UNC13B: variants seen among roughly 807,000 people sequenced by gnomAD.
The protein encoded by UNC13B is unc-13 homolog B.
Under a neutral mutation model 211.0 loss-of-function variants are expected in UNC13B, and 144 were observed. The observed-to-expected ratio is 0.68, with a 90% confidence interval of 0.60 to 0.78. The LOEUF is 0.78. Ranked by LOEUF, UNC13B falls within the 30% of genes least tolerant of loss-of-function variation. The pLI is 0.00. For synonymous variants in UNC13B, 709 were observed against 725.8 expected, an observed-to-expected ratio of 0.98 and a Z score of 0.37; for missense variants, 1,777 against 2,002.0, an observed-to-expected ratio of 0.89 and a Z score of 2.14.
At chr9:35,237,643 T>C (rs1825585874) in intron 4 of UNC13B, 60 bp from the exon 5 acceptor site, 3 of 1,591,634 alleles carry the variant, frequency 1.9e-6, no homozygotes, top group Non-Finnish European at 2.6e-6. Context: ...AAAACCTGAC[T>C]CTTGAACTAA....
intron 6 of UNC13B, among the ~76,000 whole-genome samples, chr9:35,247,132 A>T (rs888457825): frequency 2.0e-5 from 3 of 152,078 alleles, no homozygotes; most frequent in African/African-American, 7.2e-5. Flanking sequence ...ATGGGAGTTC[A>T]CTCATGATTT....
At chr9:35,204,153 T>C (rs1823501660) in intron 1 of UNC13B, among the ~76,000 whole-genome samples, 1 of 152,220 alleles carries the variant, frequency 6.6e-6, no homozygotes, top group African/African-American at 2.4e-5. Flanking sequence ...CTGTAAGCCT[T>C]GGTGGTTTAC....
intron 12 of UNC13B, among the ~76,000 whole-genome samples, chr9:35,367,594 T>A (rs772689738): frequency 6.6e-6 from 1 of 152,118 alleles, no homozygotes; most frequent in Non-Finnish European, 1.5e-5. Flanking sequence ...ATACTAGATC[T>A]TATTCATTCT....
intron 6 of UNC13B, among the ~76,000 whole-genome samples, chr9:35,255,849 A>G (rs1351808995): frequency 6.6e-6 from 1 of 152,208 alleles, no homozygotes; most frequent in Non-Finnish European, 1.5e-5. Context: ...TTAGTCCTGC[A>G]AAGGCAGACT....
chr9:35,300,962 A>G lies in UNC13B; in HGVS notation c.1558A>G (p.Lys520Glu), dbSNP rs1829650402. Residue 520 changes from lysine to glutamate, a missense_variant, in exon 9 of 40, where the codon AAG (lysine) becomes GAG (glutamate). Coordinates refer to ENST00000635942, the MANE Select transcript of UNC13B (RefSeq NM_001371189.2). Reference protein sequence around the residue: ...IPPLTIVKNDKDTAISFPELT... With the variant: ...IPPLTIVKNDEDTAISFPELT... ...ACCTTTAACTATTGTCAAGAATGAC[A>G]AGGACACGGCCATCTCTTTCCCTGA... The G allele has an allele frequency of 2.5e-6, 1 of 398,872 alleles. No homozygotes were observed. The highest frequency in any genetic ancestry group is 2.1e-5 in the African/African-American group (1 of 48,616). The allele number at this position is 398,872 out of a possible 1,614,324, so 24.7% of individuals were successfully genotyped here.
At chr9:35,183,963 G>C (rs1481944067) in intron 1 of UNC13B, among the ~76,000 whole-genome samples, 1 of 150,186 alleles carries the variant, frequency 6.7e-6, no homozygotes, top group Non-Finnish European at 1.5e-5. Context: ...ACCCAGACGG[G>C]GCGGCGGGGC....
chr9:35,272,082 T>C (rs937887470), intron 7 of UNC13B, among the ~76,000 whole-genome samples: 5 of 152,092 alleles, frequency 3.3e-5, no homozygotes, highest in African/African-American at 1.2e-4. Context: ...ATTTTTAAGA[T>C]AGAGGAAATA....
chr9:35,227,612 A>G (rs1824923116), intron 1 of UNC13B, among the ~76,000 whole-genome samples: 1 of 152,188 alleles, frequency 6.6e-6, no homozygotes, highest in Admixed American at 6.5e-5. Context: ...TTTAAAGGTT[A>G]TTATCTAGAT....
intron 1 of UNC13B, among the ~76,000 whole-genome samples, chr9:35,203,700 G>C (rs886799164): frequency 6.6e-6 from 1 of 152,218 alleles, no homozygotes; most frequent in Admixed American, 6.5e-5. Flanking sequence ...ATGTGGCCTG[G>C]CTGCTTCTAA....
At chr9:35,174,999 T>G (rs745964202) in intron 1 of UNC13B, among the ~76,000 whole-genome samples, 3 of 151,884 alleles carry the variant, frequency 2.0e-5, no homozygotes, top group Non-Finnish European at 2.9e-5. Flanking sequence ...GGTTTTGCCA[T>G]GTGGCTGAGG....
chr9:35,228,515 T>A (rs1048340245), intron 2 of UNC13B, among the ~76,000 whole-genome samples: 1 of 150,000 alleles, frequency 6.7e-6, no homozygotes, highest in Non-Finnish European at 1.5e-5. Flanking sequence ...GGCCCCAGTG[T>A]GTAGTGGATA....
intron 1 of UNC13B, among the ~76,000 whole-genome samples, chr9:35,220,306 C>T (rs10118007): frequency 0.98 from 148,939 of 151,522 alleles, 73,248 homozygotes; most frequent in East Asian, 1. Context: ...ATTATATACT[C>T]TTAGTTATTT....
chr9:35,248,312 G>A (rs1204476904), intron 6 of UNC13B, among the ~76,000 whole-genome samples: 1 of 152,086 alleles, frequency 6.6e-6, no homozygotes, highest in Non-Finnish European at 1.5e-5. Flanking sequence ...CCAGCTCCTG[G>A]ATTCATTGAT....
chr9:35,290,811 T>C (rs376479560), intron 7 of UNC13B, among the ~76,000 whole-genome samples: 2 of 152,072 alleles, frequency 1.3e-5, no homozygotes, highest in African/African-American at 4.8e-5. Flanking sequence ...TTTTTTGTTG[T>C]TGTTGTTCTG....
At chr9:35,291,095 G>C in intron 7 of UNC13B, 1 of 1,550,268 alleles carries the variant, frequency 6.5e-7, no homozygotes, top group Non-Finnish European at 8.7e-7. Flanking sequence ...GGGCTGGGGA[G>C]AACAACAGAG....
intron 11 of UNC13B, among the ~76,000 whole-genome samples, chr9:35,319,229 C>T (rs889683575): frequency 6.6e-6 from 1 of 151,594 alleles, no homozygotes; most frequent in Non-Finnish European, 1.5e-5. Flanking sequence ...TGGTGAAACC[C>T]TCATCCTTAC....
At position 35,243,226 on chromosome 9, in the gene UNC13B, A is replaced by G. The variant is rs1406327674; in HGVS notation, c.395-65A>G. ...CAGTCATTAGACAGAGTAAAGTGTT[A>G]TCTGCTGATGATTTATTACCTGCTG... On this transcript the variant is annotated intron_variant, in intron 5 of 39. Coordinates refer to ENST00000635942, the MANE Select transcript of UNC13B (RefSeq NM_001371189.2). 1.4e-5 allele frequency: 21 copies of G among 1,494,326 alleles called. No individual in the cohort carries two copies. The Middle Eastern group carries it at 1.0e-3, about 74-fold the overall frequency. 92.6% of individuals were successfully genotyped at this position (1,494,326 alleles called of 1,614,324 possible).
chr9:35,385,877 ATGAGAATCATTGGGCAGAGTC>A, intron 23 of UNC13B, 64 bp downstream of exon 23: 1 of 1,561,584 alleles, frequency 6.4e-7, no homozygotes, highest in South Asian at 1.2e-5. Context: ...AACGTGAAGA[ATGAGAATCATTGGGCAGAGTC>A]TGAGGCTACA....
intron 11 of UNC13B, among the ~76,000 whole-genome samples, chr9:35,326,477 C>G (rs1831024445): frequency 6.6e-6 from 1 of 152,152 alleles, no homozygotes. Context: ...GCCTTGAATC[C>G]TGGGCTCAAG....
Sources: allele counts gnomAD v4.1 joint callset (sites outside exome capture counted in the v4.1 genomes callset), GRCh38; gene constraint gnomAD v4.1.1; transcripts MANE v1.5; gene names NCBI Gene and HGNC (gene_info 2026-07-23, HGNC 2026-07-21).